MECOM: variants seen among roughly 807,000 people sequenced by gnomAD.
MECOM encodes the protein MDS1 and EVI1 complex locus, also known as histone-lysine N-methyltransferase MECOM.
MECOM carries 13 observed loss-of-function variants against 116.3 expected under a neutral mutation model. The ratio of observed to expected loss-of-function variants is 0.11; its 90% CI spans 0.07 to 0.18. The LOEUF is 0.18. MECOM is among the 10% of genes least tolerant of loss of function. The pLI, the probability that MECOM is intolerant of heterozygous loss-of-function variation, is 1.00. For missense variants in MECOM, 1,299 were observed against 1,509.0 expected, an observed-to-expected ratio of 0.86 and a Z score of 2.31; for synonymous variants, 528 against 535.2, an observed-to-expected ratio of 0.99 and a Z score of 0.19.
intron 2 of MECOM, among the ~76,000 whole-genome samples, chr3:169,236,655 A>T (rs1381861749): frequency 2.6e-5 from 4 of 152,214 alleles, no homozygotes; most frequent in African/African-American, 9.6e-5. Context: ...AGCCGTCATC[A>T]AAAAAGGGTC....
intron 1 of MECOM, among the ~76,000 whole-genome samples, chr3:169,408,148 G>T (rs998017782): frequency 2.0e-5 from 3 of 152,132 alleles, no homozygotes; most frequent in African/African-American, 7.2e-5. Flanking sequence ...CAAGATCTTT[G>T]CTATTGAACG....
intron 2 of MECOM, among the ~76,000 whole-genome samples, chr3:169,338,600 G>GGTGTGTGTGTGTGTGTGTGT (rs149763365): frequency 3.4e-5 from 5 of 146,442 alleles, no homozygotes; most frequent in East Asian, 4.1e-4. Flanking sequence ...TTATGTTAGG[G>GGTGTGTGTGTGTGTGTGTGT]GTGTGTGTGT....
At chr3:169,449,258 C>G (rs1257526718) in intron 1 of MECOM, among the ~76,000 whole-genome samples, 1 of 152,148 alleles carries the variant, frequency 6.6e-6, no homozygotes, top group Non-Finnish European at 1.5e-5. Context: ...CCAGCCATAA[C>G]ATAGTTCTTG....
intron 1 of MECOM, among the ~76,000 whole-genome samples, chr3:169,596,203 G>T (rs1767118602): frequency 6.6e-6 from 1 of 152,122 alleles, no homozygotes; most frequent in African/African-American, 2.4e-5. Context: ...AGATGTGCAA[G>T]TTTCATCTTC....
intron 1 of MECOM, among the ~76,000 whole-genome samples, chr3:169,442,156 C>T (rs1743842842): frequency 1.3e-5 from 2 of 152,138 alleles, no homozygotes; most frequent in Admixed American, 6.5e-5. Context: ...AGACTCCTGA[C>T]CTCAGGTGAT....
At chr3:169,147,610 C>T in intron 2 of MECOM, 1 of 985,400 alleles carries the variant, frequency 1.0e-6, no homozygotes, top group Non-Finnish European at 1.2e-6. Flanking sequence ...CCCCCTTAAA[C>T]ATGTAGATTT....
intron 1 of MECOM, among the ~76,000 whole-genome samples, chr3:169,646,274 C>T (rs1360836195): frequency 1.6e-5 from 2 of 127,710 alleles, no homozygotes; most frequent in East Asian, 4.5e-4. Context: ...CACTTGGACA[C>T]AGGAAGGGGA....
chr3:169,106,895 A>T (rs1725619005), intron 10 of MECOM, among the ~76,000 whole-genome samples: 1 of 152,174 alleles, frequency 6.6e-6, no homozygotes, highest in East Asian at 1.9e-4. Context: ...TAGTGGGTTG[A>T]TCTCTCTTCC....
chr3:169,600,331 C>T (rs1283711465), intron 1 of MECOM, among the ~76,000 whole-genome samples: 3 of 152,064 alleles, frequency 2.0e-5, no homozygotes, highest in African/African-American at 7.3e-5. Flanking sequence ...TATAAGTACT[C>T]CCCAAGGGAT....
At chr3:169,093,200 T>A in intron 13 of MECOM, 98 bp from the exon 14 acceptor site, 1 of 1,212,300 alleles carries the variant, frequency 8.2e-7, no homozygotes, top group Non-Finnish European at 1.1e-6. Flanking sequence ...TGCTGTTTCT[T>A]AAAACATGCC....
intron 2 of MECOM, among the ~76,000 whole-genome samples, chr3:169,378,467 A>G (rs550758424): frequency 0.031 from 1,567 of 50,434 alleles, 165 homozygotes; most frequent in African/African-American, 0.16. Flanking sequence ...GCAAGCAAGC[A>G]AGCAAGCAAG....
At chr3:169,273,757 A>G (rs972757049) in intron 2 of MECOM, among the ~76,000 whole-genome samples, 5 of 152,134 alleles carry the variant, frequency 3.3e-5, no homozygotes, top group African/African-American at 1.2e-4. Flanking sequence ...CCCATAGGGC[A>G]GCAAGAAGTT....
intron 2 of MECOM, among the ~76,000 whole-genome samples, chr3:169,256,900 C>G (rs1420554384): frequency 6.6e-6 from 1 of 152,154 alleles, no homozygotes; most frequent in South Asian, 2.1e-4. Context: ...AGAGCCATCT[C>G]CTAACTTCCG....
intron 2 of MECOM, among the ~76,000 whole-genome samples, chr3:169,354,268 CAAT>C (rs933245461): frequency 1.5e-4 from 23 of 151,934 alleles, no homozygotes; most frequent in African/African-American, 5.3e-4. Flanking sequence ...CTCACACTAA[CAAT>C]AATCCCAGAA....
chr3:169,391,507 T>C (rs2108337292), intron 1 of MECOM, among the ~76,000 whole-genome samples: 1 of 152,202 alleles, frequency 6.6e-6, no homozygotes, highest in Admixed American at 6.5e-5. Context: ...TCATATTAAA[T>C]GTAAAATCAT....
At chr3:169,510,056 C>A (rs1157014738) in intron 1 of MECOM, among the ~76,000 whole-genome samples, 2 of 152,246 alleles carry the variant, frequency 1.3e-5, no homozygotes, top group African/African-American at 4.8e-5. Flanking sequence ...AGGGTGGGGG[C>A]AATCTCAGAC....
intron 1 of MECOM, among the ~76,000 whole-genome samples, chr3:169,424,255 C>T (rs948462475): frequency 2.6e-5 from 4 of 152,064 alleles, no homozygotes; most frequent in Admixed American, 2.6e-4. Flanking sequence ...GCTGAGGTTT[C>T]GTCAAATTCC....
chr3:169,517,827 A>T (rs1287611511), intron 1 of MECOM, among the ~76,000 whole-genome samples: 3 of 152,232 alleles, frequency 2.0e-5, no homozygotes, highest in Non-Finnish European at 2.9e-5. Flanking sequence ...ATTCAGACAC[A>T]TTTGAGTTCA....
chr3:169,311,127 C>A (rs1008821626), intron 2 of MECOM, among the ~76,000 whole-genome samples: 1 of 152,154 alleles, frequency 6.6e-6, no homozygotes, highest in Admixed American at 6.5e-5. Flanking sequence ...GTATTGAGTT[C>A]TTGGGCATGT....
Sources: gnomAD v4.1 joint callset for allele counts (sites outside exome capture counted in the v4.1 genomes callset) on GRCh38, gnomAD v4.1.1 for gene constraint, MANE v1.5 for transcripts, NCBI Gene and HGNC (gene_info 2026-07-23, HGNC 2026-07-21) for gene names.